The following CSMD1 variants were observed in gnomAD, a reference collection of about 807,000 sequenced individuals.
The protein encoded by CSMD1 is CUB and Sushi multiple domains 1.
CSMD1 carries 213 observed loss-of-function variants against 417.5 expected under a neutral mutation model. The observed-to-expected ratio is 0.51, with a 90% CI of 0.46 to 0.57. The LOEUF (loss-of-function observed/expected upper bound fraction) is 0.57. Ranked by LOEUF, CSMD1 falls within the 20% of genes least tolerant of loss-of-function variation. CSMD1 has a pLI of 0.00. For synonymous variants in CSMD1, 2,862 were observed against 1,736.8 expected, an observed-to-expected ratio of 1.65 and a Z score of -16.11; for missense variants, 6,923 against 4,529.7, an observed-to-expected ratio of 1.53 and a Z score of -15.17.
At chr8:4,108,057 GAGA>G in intron 3 of CSMD1, among the ~76,000 whole-genome samples, 1 of 150,036 alleles carries the variant, frequency 6.7e-6, no homozygotes, top group East Asian at 2.0e-4. Flanking sequence ...GACAGAGACA[GAGA>G]CAGAGACAGA....
At chr8:4,759,016 C>T (rs1811852655) in intron 1 of CSMD1, among the ~76,000 whole-genome samples, 1 of 152,042 alleles carries the variant, frequency 6.6e-6, no homozygotes, top group Non-Finnish European at 1.5e-5. Context: ...AATAAGGTTC[C>T]CCAGGAAACA....
intron 2 of CSMD1, among the ~76,000 whole-genome samples, chr8:4,616,586 C>G (rs919394441): frequency 6.6e-6 from 1 of 152,164 alleles, no homozygotes; most frequent in African/African-American, 2.4e-5. Flanking sequence ...TGGTTAAATA[C>G]AAAACACTAT....
chr8:4,694,498 T>G lies in CSMD1; in HGVS notation c.86-56940A>C, dbSNP rs529499188. On this transcript the variant is annotated intron_variant, in intron 1 of 69. Coordinates refer to ENST00000635120, the MANE Select transcript of CSMD1 (RefSeq NM_033225.6). ...TTCCAAGTAGCTGGGGCTATCTATA[T>G]GCATGTGTCACCATGCCAGGCTAAT... Among the ~76,000 whole-genome samples, 15 of 152,152 alleles carry G rather than the reference T, an allele frequency of 9.9e-5. 1 individual carries two copies. The South Asian group carries it at 3.1e-3, about 32-fold the overall frequency.
chr8:3,970,909 G>A (rs912442925), intron 5 of CSMD1, among the ~76,000 whole-genome samples: 8 of 152,072 alleles, frequency 5.3e-5, no homozygotes, highest in African/African-American at 1.7e-4. Flanking sequence ...CTGCCACCAT[G>A]CTCCGCTAAT....
chr8:3,488,508 T>C (rs1225725999), intron 11 of CSMD1, among the ~76,000 whole-genome samples: 1 of 152,188 alleles, frequency 6.6e-6, no homozygotes, highest in Non-Finnish European at 1.5e-5. Context: ...TAATACAAAA[T>C]TTATAGCAGT....
At chr8:4,518,170 G>A (rs1377628285) in intron 2 of CSMD1, among the ~76,000 whole-genome samples, 1 of 152,124 alleles carries the variant, frequency 6.6e-6, no homozygotes, top group African/African-American at 2.4e-5. Flanking sequence ...AGAAGACAGA[G>A]TATGGCACGA....
chr8:3,231,076 C>A (rs2113346), intron 26 of CSMD1, among the ~76,000 whole-genome samples: 1,764 of 152,134 alleles, frequency 0.012, 36 homozygotes, highest in African/African-American at 0.04. Flanking sequence ...AGAAGGCTAC[C>A]GCAAGCCCAG....
At chr8:3,354,903 C>CTACATA (rs1808665646) in intron 21 of CSMD1, among the ~76,000 whole-genome samples, 2 of 142,814 alleles carry the variant, frequency 1.4e-5, no homozygotes. Context: ...ATCTATAGAT[C>CTACATA]TATCTATAGA....
chr8:4,069,379 G>A (rs1028384028), intron 3 of CSMD1, among the ~76,000 whole-genome samples: 3 of 152,102 alleles, frequency 2.0e-5, no homozygotes, highest in Non-Finnish European at 4.4e-5. Flanking sequence ...TTTACTTTAT[G>A]CTTTCGTCTG....
chr8:3,026,699 A>T (rs1809957439), intron 51 of CSMD1, among the ~76,000 whole-genome samples: 1 of 152,252 alleles, frequency 6.6e-6, no homozygotes, highest in Admixed American at 6.5e-5. Flanking sequence ...TGTGCCAGGT[A>T]TCTGAGCCCA....
chr8:4,773,689 C>T (rs989432107), intron 1 of CSMD1, among the ~76,000 whole-genome samples: 19 of 152,126 alleles, frequency 1.2e-4, no homozygotes, highest in African/African-American at 3.4e-4. Context: ...AGGCTTTGCA[C>T]GCCACGCTAG....
intron 1 of CSMD1, among the ~76,000 whole-genome samples, chr8:4,983,843 T>TAGAG (rs58787668): frequency 0.71 from 108,271 of 151,572 alleles, 40,146 homozygotes; most frequent in African/African-American, 0.9. Flanking sequence ...CAACATATGA[T>TAGAG]AGAACTAGAA....
At chr8:3,121,213 C>T (rs1259969978) in intron 41 of CSMD1, among the ~76,000 whole-genome samples, 2 of 152,124 alleles carry the variant, frequency 1.3e-5, no homozygotes, top group Non-Finnish European at 2.9e-5. Context: ...GCATACTATG[C>T]AGTTGACAAC....
intron 10 of CSMD1, among the ~76,000 whole-genome samples, chr8:3,567,375 T>A (rs1025258366): frequency 6.6e-6 from 1 of 151,966 alleles, no homozygotes; most frequent in Non-Finnish European, 1.5e-5. Flanking sequence ...GGCACAAGTT[T>A]ACCTATATAA....
chr8:4,516,895 T>A (rs1803156981), intron 2 of CSMD1, among the ~76,000 whole-genome samples: 1 of 152,096 alleles, frequency 6.6e-6, no homozygotes, highest in African/African-American at 2.4e-5. Flanking sequence ...AAATATAATA[T>A]AATATTTTTA....
At chr8:3,737,668 A>C (rs1796593811) in intron 6 of CSMD1, among the ~76,000 whole-genome samples, 1 of 152,222 alleles carries the variant, frequency 6.6e-6, no homozygotes, top group South Asian at 2.1e-4. Context: ...CACACTGACC[A>C]GGAAAATCAA....
intron 7 of CSMD1, among the ~76,000 whole-genome samples, chr8:3,675,033 G>A (rs1465068880): frequency 3.3e-5 from 5 of 152,168 alleles, no homozygotes; most frequent in African/African-American, 7.2e-5. Flanking sequence ...AGGGATTTAG[G>A]TGGATGTATT....
intron 3 of CSMD1, among the ~76,000 whole-genome samples, chr8:4,160,600 A>T (rs889864179): frequency 1.3e-5 from 2 of 152,216 alleles, no homozygotes; most frequent in Middle Eastern, 6.3e-3. Context: ...CTCCATTTAC[A>T]CACTGTGGAT....
At chr8:4,977,405 C>G (rs958585854) in intron 1 of CSMD1, among the ~76,000 whole-genome samples, 1 of 152,154 alleles carries the variant, frequency 6.6e-6, no homozygotes. Context: ...GGATTTCAGG[C>G]TGGAGGAGAC....
Sources: allele counts gnomAD v4.1 joint callset (sites outside exome capture counted in the v4.1 genomes callset), GRCh38; gene constraint gnomAD v4.1.1; transcripts MANE v1.5; gene names NCBI Gene and HGNC (gene_info 2026-07-23, HGNC 2026-07-21).